LRIG1: variants seen among roughly 807,000 people sequenced by gnomAD.
The protein encoded by LRIG1 is leucine-rich repeats and immunoglobulin-like domains protein 1.
In LRIG1, 48 loss-of-function variants were observed where a neutral mutation model predicts 99.2. The ratio of observed to expected loss-of-function variants is 0.48; its 90% CI spans 0.38 to 0.62. The LOEUF is 0.62. Ranked by LOEUF, LRIG1 falls within the 20% of genes least tolerant of loss-of-function variation. The pLI is 0.00. For missense variants in LRIG1, 1,646 were observed against 1,434.4 expected (o/e 1.15, Z -2.38); for synonymous variants, 772 against 596.1 (o/e 1.29, Z -4.30).
intron 3 of LRIG1, among the ~76,000 whole-genome samples, chr3:66,426,545 C>CT (rs1332772034): frequency 6.6e-6 from 1 of 152,222 alleles, no homozygotes; most frequent in African/African-American, 2.4e-5. Context: ...AGAGAGAAAA[C>CT]TTTCCCATTG....
At chr3:66,424,753 C>A (rs1404743492) in intron 3 of LRIG1, among the ~76,000 whole-genome samples, 1 of 152,234 alleles carries the variant, frequency 6.6e-6, no homozygotes, top group Non-Finnish European at 1.5e-5. Flanking sequence ...GATTTCTGGA[C>A]TTCACAATGG....
chr3:66,402,357 C>T (rs797012778), intron 9 of LRIG1, among the ~76,000 whole-genome samples: 8 of 152,266 alleles, frequency 5.3e-5, no homozygotes, highest in South Asian at 2.1e-4. Context: ...GAAAGGCATG[C>T]GCTGGGGTCT....
Position 66,380,475 on chromosome 3 carries a change from T to C in LRIG1, c.3070A>G (p.Thr1024Ala), listed in dbSNP as rs751382979. 1 of 1,614,132 alleles carries C rather than the reference T, an allele frequency of 6.2e-7. No individual in the cohort carries two copies. The highest frequency in any genetic ancestry group is 1.7e-5 in the Admixed American group (1 of 60,024). Reference protein sequence around the residue: ...SLDGKGDSSWTLARLYHPDST... With the variant: ...SLDGKGDSSWALARLYHPDST... ...TCCGGGTGATACAACCTTGCTAAAG[T>C]CCAGGAAGAATCCCCTACAAGGAAA... is the stretch of plus-strand genomic sequence containing the variant. Residue 1024 changes from threonine to alanine, a missense_variant, in exon 19 of 19, where the codon ACT (threonine) becomes GCT (alanine). Transcript: ENST00000273261.
chr3:66,423,640 A>T (rs1702888964), intron 3 of LRIG1, among the ~76,000 whole-genome samples: 1 of 152,228 alleles, frequency 6.6e-6, no homozygotes, highest in Non-Finnish European at 1.5e-5. Flanking sequence ...TCAAATGATG[A>T]TTCTTGTGTC....
chr3:66,397,345 A>T (rs1007696965), intron 11 of LRIG1, among the ~76,000 whole-genome samples: 1 of 151,746 alleles, frequency 6.6e-6, no homozygotes, highest in African/African-American at 2.4e-5. Flanking sequence ...GTCCTGTGGC[A>T]TCTGCCATTC....
At position 66,409,835 on chromosome 3, in the gene LRIG1, G is replaced by C. The variant is rs116001722; in HGVS notation, c.935+294C>G. On this transcript the variant is annotated intron_variant, in intron 7 of 18. Coordinates refer to ENST00000273261, the MANE Select transcript of LRIG1 (RefSeq NM_015541.3). ...CCAGGAACTTTCTACCCCTGGAACT[G>C]TCTCCAAACCCAACAGGACCTTGGG... 1,116 of 295,824 alleles carry C rather than the reference G, an allele frequency of 3.8e-3. 13 individuals are homozygous for C. Among genetic ancestry groups the C allele is most frequent in the African/African-American group, 0.014 (639 of 46,856 alleles). The allele number at this position is 295,824 out of a possible 1,614,324, so 18.3% of individuals were successfully genotyped here. A position where few individuals can be genotyped will look rare whatever the true frequency, so the allele number is the denominator to read the frequency against.
chr3:66,475,336 A>G (rs1449771492), intron 1 of LRIG1, among the ~76,000 whole-genome samples: 1 of 152,208 alleles, frequency 6.6e-6, no homozygotes, highest in East Asian at 1.9e-4. Flanking sequence ...CTGCACACTA[A>G]CAAAATTAAG....
chr3:66,428,078 A>T (rs1703040360), intron 3 of LRIG1, among the ~76,000 whole-genome samples: 1 of 152,218 alleles, frequency 6.6e-6, no homozygotes, highest in Non-Finnish European at 1.5e-5. Flanking sequence ...CTATTGCAAA[A>T]ATCACAGCTA....
chr3:66,490,377 G>C (rs1213676030), intron 1 of LRIG1, among the ~76,000 whole-genome samples: 1 of 152,182 alleles, frequency 6.6e-6, no homozygotes, highest in Non-Finnish European at 1.5e-5. Context: ...GAAGCAACGA[G>C]CTCTTCTGAC....
At chr3:66,434,826 T>G (rs1273385905) in intron 3 of LRIG1, among the ~76,000 whole-genome samples, 1 of 150,536 alleles carries the variant, frequency 6.6e-6, no homozygotes, top group Non-Finnish European at 1.5e-5. Context: ...GCCTATACAC[T>G]GCCGGTAGAA....
At chr3:66,458,421 G>T (rs575831935) in intron 2 of LRIG1, among the ~76,000 whole-genome samples, 122 of 152,312 alleles carry the variant, frequency 8.0e-4, no homozygotes, top group African/African-American at 2.7e-3. Context: ...TGTTTTAAGG[G>T]GCTGGGTGTG....
At chr3:66,464,716 T>C (rs991079249) in intron 1 of LRIG1, among the ~76,000 whole-genome samples, 1 of 152,130 alleles carries the variant, frequency 6.6e-6, no homozygotes, top group African/African-American at 2.4e-5. Flanking sequence ...TTTGGGACTA[T>C]CTGAAATGAG....
chr3:66,395,396 A>C (rs1451156021), intron 11 of LRIG1, among the ~76,000 whole-genome samples: 6 of 152,206 alleles, frequency 3.9e-5, no homozygotes, highest in Non-Finnish European at 8.8e-5. Context: ...AAACTGTCAC[A>C]GCAAGGAAGA....
rs187309363 is a variant in LRIG1, at chr3:66,497,312, C to G, written c.218+2878G>C. 5.8e-4 allele frequency among the ~76,000 whole-genome samples: 89 copies of G among 152,318 alleles called. 1 individual carries two copies. The highest frequency in any genetic ancestry group is 9.8e-4 in the Non-Finnish European group (67 of 68,036). The stretch of plus-strand genomic sequence containing the variant: ...GGCACAGGTAAGAGTCTAAGGTAAA[C>G]TGTATTTAATACTTCTTAAATAGCT... On this transcript the variant is annotated intron_variant, in intron 1 of 18. Transcript: ENST00000273261.
chr3:66,411,359 G>A (rs1702457491), intron 6 of LRIG1, among the ~76,000 whole-genome samples: 1 of 152,178 alleles, frequency 6.6e-6, no homozygotes, highest in African/African-American at 2.4e-5. Context: ...CAGCTCATCA[G>A]TCTCAATTTA....
At position 66,456,729 on chromosome 3, in the gene LRIG1, T is replaced by C. The variant is rs145401201; in HGVS notation, c.291-5096A>G. 2.9e-3 allele frequency among the ~76,000 whole-genome samples: 445 copies of C among 152,174 alleles called. 10 individuals carry two copies. Among genetic ancestry groups the C allele is most frequent in the Admixed American group, 0.02 (300 of 15,278 alleles). ...TGTGGGGAGCAGCAGCCTGACACAG[T>C]GCGATGAACCACAAATACCCAATAG... On this transcript the variant is annotated intron_variant, in intron 2 of 18. Transcript: ENST00000273261.
intron 3 of LRIG1, among the ~76,000 whole-genome samples, chr3:66,444,112 C>T (rs1229694948): frequency 6.6e-6 from 1 of 152,186 alleles, no homozygotes; most frequent in Non-Finnish European, 1.5e-5. Context: ...AAACTGACTC[C>T]TGCCGGGGGA....
At chr3:66,472,531 A>G (rs933032443) in intron 1 of LRIG1, among the ~76,000 whole-genome samples, 1 of 152,224 alleles carries the variant, frequency 6.6e-6, no homozygotes, top group South Asian at 2.1e-4. Context: ...ACACGCTCAC[A>G]CCTAAGGGCC....
chr3:66,466,037 T>G (rs1278869929), intron 1 of LRIG1, among the ~76,000 whole-genome samples: 3 of 152,136 alleles, frequency 2.0e-5, no homozygotes, highest in Admixed American at 2.0e-4. Flanking sequence ...GTGTCAGAAT[T>G]TCATTTTTTT....
Sources: gnomAD v4.1 joint callset for allele counts (sites outside exome capture counted in the v4.1 genomes callset) on GRCh38, gnomAD v4.1.1 for gene constraint, MANE v1.5 for transcripts, NCBI Gene and HGNC (gene_info 2026-07-23, HGNC 2026-07-21) for gene names.